IPMK: variants seen among roughly 807,000 people sequenced by gnomAD.
IPMK encodes inositol 1,3,4,6-tetrakisphosphate 5-kinase.
In IPMK, 17 loss-of-function variants were observed where a neutral mutation model predicts 45.8. The observed-to-expected ratio is 0.37, with a 90% CI of 0.25 to 0.56. The LOEUF (loss-of-function observed/expected upper bound fraction) is 0.56. Among genes scored for constraint, IPMK ranks in the 20% least tolerant of loss-of-function variants. The pLI, the probability that IPMK is intolerant of heterozygous loss-of-function variation, is 0.79. For missense variants in IPMK, 399 were observed against 498.0 expected (o/e 0.80, Z 1.89); for synonymous variants, 180 against 184.3 (o/e 0.98, Z 0.19).
chr10:58,247,865 A>T (rs1297675679), intron 1 of IPMK, among the ~76,000 whole-genome samples: 3 of 152,162 alleles, frequency 2.0e-5, no homozygotes. Context: ...CATAGAATAA[A>T]CTCTCACATT....
chr10:58,222,834 A>C (rs1309062211), intron 3 of IPMK, among the ~76,000 whole-genome samples: 1 of 152,196 alleles, frequency 6.6e-6, no homozygotes. Flanking sequence ...CATGCCCAAA[A>C]TATTTATGTA....
chr10:58,223,516 T>G (rs1299130750), intron 3 of IPMK, among the ~76,000 whole-genome samples: 1 of 152,124 alleles, frequency 6.6e-6, no homozygotes, highest in Non-Finnish European at 1.5e-5. Flanking sequence ...ATTACGAAAA[T>G]ATGGGTTTCA....
intron 4 of IPMK, among the ~76,000 whole-genome samples, chr10:58,200,025 C>A (rs1324517440): frequency 6.6e-6 from 1 of 152,064 alleles, no homozygotes; most frequent in South Asian, 2.1e-4. Context: ...AAAACACACA[C>A]CTATGTTCTC....
intron 2 of IPMK, among the ~76,000 whole-genome samples, chr10:58,233,831 G>T (rs1041489457): frequency 6.6e-6 from 1 of 152,172 alleles, no homozygotes; most frequent in Admixed American, 6.5e-5. Context: ...AATCAGGCAG[G>T]AGAAAGAAGT....
At chr10:58,231,887 T>C (rs1838529325) in intron 2 of IPMK, among the ~76,000 whole-genome samples, 1 of 152,162 alleles carries the variant, frequency 6.6e-6, no homozygotes, top group Non-Finnish European at 1.5e-5. Context: ...ACTGGCAAAT[T>C]GGATAAAGAA....
chr10:58,244,206 C>A (rs1325361469), intron 1 of IPMK, among the ~76,000 whole-genome samples: 1 of 150,818 alleles, frequency 6.6e-6, no homozygotes, highest in South Asian at 2.1e-4. Context: ...TGCCCGGCCG[C>A]CCCACCTGGG....
At chr10:58,206,048 C>T (rs1468412211) in intron 4 of IPMK, among the ~76,000 whole-genome samples, 1 of 152,084 alleles carries the variant, frequency 6.6e-6, no homozygotes, top group African/African-American at 2.4e-5. Context: ...AGAAACAACC[C>T]AAAGTCCATC....
intron 3 of IPMK, among the ~76,000 whole-genome samples, chr10:58,224,165 T>C (rs959188711): frequency 1.3e-5 from 2 of 152,212 alleles, no homozygotes; most frequent in African/African-American, 4.8e-5. Flanking sequence ...CAGACATGTA[T>C]GTCAGCTTGT....
chr10:58,260,962 A>C (rs1327870724), intron 1 of IPMK, among the ~76,000 whole-genome samples: 2 of 152,134 alleles, frequency 1.3e-5, no homozygotes, highest in African/African-American at 4.8e-5. Flanking sequence ...AAAAGCCAAG[A>C]CAATCTTGAA....
chr10:58,238,232 T>C (rs1171072997), intron 1 of IPMK, among the ~76,000 whole-genome samples: 1 of 152,248 alleles, frequency 6.6e-6, no homozygotes, highest in Non-Finnish European at 1.5e-5. Context: ...TGGCCATATA[T>C]GAATTTCCTA....
rs528846572 is a variant in IPMK, at chr10:58,207,296, T to G, written c.547-7975A>C. ...GGGATTACAGGCAATCACATTTTCT[T>G]TATCCATTCATTGGTTGACAGGCAT... On this transcript the variant is annotated intron_variant, in intron 4 of 5. Transcript: ENST00000373935. Among the ~76,000 whole-genome samples, 5 of 152,348 alleles carry G rather than the reference T, an allele frequency of 3.3e-5. No individual in the cohort carries two copies. The East Asian group carries it at 9.7e-4, about 29-fold the overall frequency.
intron 4 of IPMK, among the ~76,000 whole-genome samples, chr10:58,211,806 G>A (rs529810359): frequency 0.082 from 16 of 194 alleles, no homozygotes; most frequent in South Asian, 0.3. Flanking sequence ...CCAGCTACTC[G>A]GAAGAGGCTG....
At position 58,217,688 on chromosome 10, in the gene IPMK, C is replaced by CAAAAAAAAAAAAA. The variant is rs11393849; in HGVS notation, c.374-1384_374-1372dup. Among the ~76,000 whole-genome samples, 133 of 49,210 alleles carry CAAAAAAAAAAAAA rather than the reference C, an allele frequency of 2.7e-3. 3 individuals carry two copies. The highest frequency in any genetic ancestry group is 0.022 in the Middle Eastern group (1 of 46). 32.3% of individuals were successfully genotyped at this position (49,210 alleles called of 152,430 possible). On this transcript the variant is annotated intron_variant, in intron 3 of 5. Coordinates refer to ENST00000373935, the MANE Select transcript of IPMK (RefSeq NM_152230.5). Reference sequence around the variant, plus strand: ...GGGCAACAAGAGCAAAACTCCATCTCAAAAAAAAAAAAAAAAAAAAAGAAT... The same window carrying CAAAAAAAAAAAAA: ...GGGCAACAAGAGCAAAACTCCATCTCAAAAAAAAAAAAAAAAAAAAAAAAAAAAAAAAAAGAAT...
chr10:58,196,693 A>T lies in IPMK; in HGVS notation c.634T>A (p.Ser212Thr). ...CAGTACCCATTATGAAAAAATCTGGAGACTCCTATAAAAAGAAAAATATGA... is the reference window on the plus strand; with the variant it reads ...CAGTACCCATTATGAAAAAATCTGGTGACTCCTATAAAAAGAAAAATATGA... ...LTKETIKDGV[S>T]RFFHNGYCLR... is the part of the protein sequence containing the mutation. The change falls in exon 6 of 6, where the codon TCC becomes ACC. Residue 212 changes from serine (S) to threonine (T), a missense_variant. Transcript: ENST00000373935. 6.4e-7 allele frequency: 1 copy of T among 1,566,410 alleles called. No individual in the cohort carries two copies. Among genetic ancestry groups the T allele is most frequent in the East Asian group, 2.2e-5 (1 of 44,582 alleles).
At position 58,196,036 on chromosome 10, in the gene IPMK, T is replaced by G. The variant is rs530321996; in HGVS notation, c.*40A>C. ...GCAGATATTGACTGCCCCTCTTCAT[T>G]ATGATTGGCCCACCCCTTAAAAAGA... On this transcript the variant is annotated 3_prime_UTR_variant, in exon 6 of 6. Coordinates refer to ENST00000373935, the MANE Select transcript of IPMK (RefSeq NM_152230.5). 555 of 1,565,132 alleles carry G rather than the reference T, an allele frequency of 3.5e-4. 3 individuals are homozygous for G. Among genetic ancestry groups the G allele is most frequent in the Non-Finnish European group, 1.0e-5 (12 of 1,154,588 alleles).
chr10:58,220,909 C>T (rs1184238270), intron 3 of IPMK, among the ~76,000 whole-genome samples: 3 of 152,100 alleles, frequency 2.0e-5, no homozygotes, highest in African/African-American at 4.8e-5. Flanking sequence ...ACCTGCTAAC[C>T]ATGTTAGGTC....
intron 1 of IPMK, among the ~76,000 whole-genome samples, chr10:58,240,132 T>C (rs554452188): frequency 8.6e-5 from 13 of 151,978 alleles, no homozygotes; most frequent in Admixed American, 6.5e-4. Context: ...AAACAAAAAG[T>C]ATAAATATGC....
chr10:58,239,698 C>G (rs1466112055), intron 1 of IPMK, among the ~76,000 whole-genome samples: 1 of 152,296 alleles, frequency 6.6e-6, no homozygotes, highest in Non-Finnish European at 1.5e-5. Context: ...GTAATCTCGG[C>G]ATTCTCTAGG....
chr10:58,217,633 A>G (rs1838265046), intron 3 of IPMK, among the ~76,000 whole-genome samples: 1 of 141,912 alleles, frequency 7.0e-6, no homozygotes, highest in African/African-American at 2.7e-5. Context: ...GGTTGTGGTG[A>G]GCCGAGATCG....
Sources: gnomAD v4.1 joint callset for allele counts (sites outside exome capture counted in the v4.1 genomes callset) on GRCh38, gnomAD v4.1.1 for gene constraint, MANE v1.5 for transcripts, NCBI Gene and HGNC (gene_info 2026-07-23, HGNC 2026-07-21) for gene names.